Variants in MYO9B observed in about 807,000 individuals in gnomAD.
MYO9B encodes unconventional myosin-IXb.
Under a neutral mutation model 229.5 loss-of-function variants are expected in MYO9B, and 71 were observed. That is an observed-to-expected ratio of 0.31 (90% CI 0.26 to 0.38). The LOEUF is 0.38. Ranked by LOEUF, MYO9B falls within the 10% of genes least tolerant of loss-of-function variation. The pLI is 1.00. For synonymous variants in MYO9B, 1,185 were observed against 1,235.8 expected, an observed-to-expected ratio of 0.96 and a Z score of 0.86; for missense variants, 2,255 against 2,920.5, an observed-to-expected ratio of 0.77 and a Z score of 5.25.
chr19:17,119,442 A>C (rs1208428949), intron 2 of MYO9B, among the ~76,000 whole-genome samples: 1 of 152,160 alleles, frequency 6.6e-6, no homozygotes, highest in Non-Finnish European at 1.5e-5. Flanking sequence ...GCTGAGATGG[A>C]GTCACAGGAC....
rs369051819 is a variant in MYO9B at position 17,207,293 on chromosome 19, G to A, written c.5624+49G>A. Reference sequence around the variant, plus strand: ...GGCATGCTCAGGGCAGCCCCACCCAGGACCCCACGACAGCTCCATCCATCC... The same window carrying A: ...GGCATGCTCAGGGCAGCCCCACCCAAGACCCCACGACAGCTCCATCCATCC... On this transcript the variant is annotated intron_variant, in intron 35 of 39. Transcript: ENST00000682292. The A allele has an allele frequency of 2.6e-6, 4 of 1,568,284 alleles. No individual in the cohort carries two copies. The African/African-American group carries it at 5.4e-5, about 21-fold the overall frequency.
intron 1 of MYO9B, among the ~76,000 whole-genome samples, chr19:17,088,289 C>G (rs189180439): frequency 1.1e-3 from 168 of 152,320 alleles, no homozygotes; most frequent in African/African-American, 4.0e-3. Context: ...TATAAGGACG[C>G]CAGTCTTTGG....
intron 11 of MYO9B, among the ~76,000 whole-genome samples, chr19:17,169,371 C>CAAA (rs58898086): frequency 1.5e-3 from 129 of 88,756 alleles, no homozygotes; most frequent in East Asian, 4.2e-3. Flanking sequence ...GACTCTGTCT[C>CAAA]AAAAAAAAAA....
rs775575604 is a variant in MYO9B, at chr19:17,145,421, CACA to C, written c.874_876del (p.Asn292del). 2.5e-6 allele frequency: 4 copies of C among 1,613,934 alleles called. No homozygotes were observed. The highest frequency in any genetic ancestry group is 3.4e-6 in the Non-Finnish European group (4 of 1,179,864). Reference sequence around the variant, plus strand: ...GGCTTTTGGAAATGCCAAGACAGCCCACAACAACAACTCCAGCCGGTTTGGGAA... The same window carrying C: ...GGCTTTTGGAAATGCCAAGACAGCCCACAACAACTCCAGCCGGTTTGGGAA... On this transcript the variant is annotated inframe_deletion, in exon 3 of 40. Transcript: ENST00000682292.
At chr19:17,202,666 A>T (rs1295664656) in intron 28 of MYO9B, among the ~76,000 whole-genome samples, 176 bp from the exon 29 acceptor site, 1 of 152,148 alleles carries the variant, frequency 6.6e-6, no homozygotes, top group Non-Finnish European at 1.5e-5. Flanking sequence ...CACCCTCCCC[A>T]ACAGAGCCTC....
chr19:17,163,449 C>T (rs1032012283), intron 10 of MYO9B, among the ~76,000 whole-genome samples: 7 of 144,880 alleles, frequency 4.8e-5, no homozygotes, highest in African/African-American at 1.8e-4. Context: ...TAGCTTACTG[C>T]AGCCTCAAAC....
Position 17,210,600 on chromosome 19 carries a change from A to C in MYO9B, c.5797-115A>C, listed in dbSNP as rs1035515036. The C allele has an allele frequency of 4.4e-6, 6 of 1,350,860 alleles. No individual in the cohort carries two copies. In the African/African-American group the frequency reaches 8.9e-5, roughly 20 times the overall value. The allele number at this position is 1,350,860 out of a possible 1,614,324, so 83.7% of individuals were successfully genotyped here. On this transcript the variant is annotated intron_variant, in intron 37 of 39. Transcript: ENST00000682292. ...CCCATGGGATTCCTAGAGAAGTCTC[A>C]CTAAGAGCCCAGCACACTCACATCA...
chr19:17,139,020 T>C (rs981482173), intron 2 of MYO9B, among the ~76,000 whole-genome samples: 5 of 151,960 alleles, frequency 3.3e-5, no homozygotes, highest in African/African-American at 4.8e-5. Flanking sequence ...TATTTGAAAA[T>C]GCAAAAATTA....
intron 2 of MYO9B, among the ~76,000 whole-genome samples, chr19:17,111,962 T>C (rs2057851723): frequency 6.6e-6 from 1 of 152,206 alleles, no homozygotes; most frequent in Admixed American, 6.5e-5. Context: ...GATCAGTGCT[T>C]CCTTCCTTTT....
intron 1 of MYO9B, among the ~76,000 whole-genome samples, chr19:17,097,891 C>G (rs1027857415): frequency 5.9e-5 from 9 of 152,138 alleles, no homozygotes; most frequent in African/African-American, 2.2e-4. Context: ...TCACTCTGCT[C>G]TTGTAGCAAA....
chr19:17,162,076 C>A (rs2072609267), intron 8 of MYO9B, among the ~76,000 whole-genome samples: 2 of 151,734 alleles, frequency 1.3e-5, no homozygotes, highest in Admixed American at 6.6e-5. Flanking sequence ...GAGGTCAAGG[C>A]AGGCAGATCA....
At chr19:17,200,075 G>A (rs559143521) in intron 24 of MYO9B, among the ~76,000 whole-genome samples, 1 of 152,204 alleles carries the variant, frequency 6.6e-6, no homozygotes, top group South Asian at 2.1e-4. Context: ...GTTTTGCCAT[G>A]TTGGCCAGGC....
intron 36 of MYO9B, among the ~76,000 whole-genome samples, 191 bp from the exon 37 acceptor site, chr19:17,210,142 C>A (rs1304851844): frequency 6.6e-6 from 1 of 152,132 alleles, no homozygotes; most frequent in African/African-American, 2.4e-5. Flanking sequence ...CTGGGCCCTA[C>A]CCACGGGGAA....
At chr19:17,076,170 G>A (rs2057481412) in intron 1 of MYO9B, among the ~76,000 whole-genome samples, 1 of 151,822 alleles carries the variant, frequency 6.6e-6, no homozygotes, top group Non-Finnish European at 1.5e-5. Flanking sequence ...TAATTGGGGG[G>A]TCGCAGGAAA....
chr19:17,191,159 C>T lies in MYO9B; in HGVS notation c.2751C>T (p.Ile917=), dbSNP rs75421081. 830 of 1,612,434 alleles carry T rather than the reference C, an allele frequency of 5.1e-4. 2 individuals carry two copies. In the African/African-American group the frequency reaches 8.6e-3, roughly 17 times the overall value. ...ATGCCCAGCCCTGCAGGGAGGTCAT[C>T]TCCACCCTCCTGGAGAAAATGAAGA... ...PKDAQPCREV[I]STLLEKMKID... Residue 917 remains isoleucine (I), a synonymous_variant, in exon 20 of 40, where the codon ATC becomes ATT. Coordinates refer to ENST00000682292, the MANE Select transcript of MYO9B (RefSeq NM_004145.4).
chr19:17,088,698 T>TGA (rs2057607782), intron 1 of MYO9B, among the ~76,000 whole-genome samples: 1 of 151,968 alleles, frequency 6.6e-6, no homozygotes, highest in South Asian at 2.1e-4. Context: ...TGTGTGTGTG[T>TGA]GAGAGAGAGA....
chr19:17,173,313 T>TTTTTTA (rs547342934), intron 13 of MYO9B, among the ~76,000 whole-genome samples: 1 of 125,884 alleles, frequency 7.9e-6, no homozygotes. Context: ...TTTTTTTTTT[T>TTTTTTA]AGAGACAGGG....
At chr19:17,116,954 AG>A (rs2057910337) in intron 2 of MYO9B, among the ~76,000 whole-genome samples, 2 of 152,292 alleles carry the variant, frequency 1.3e-5, no homozygotes, top group Non-Finnish European at 2.9e-5. Flanking sequence ...TTTAGACAAA[AG>A]GGGAAGTTAT....
chr19:17,170,921 G>A (rs955021580), intron 11 of MYO9B, among the ~76,000 whole-genome samples: 56 of 151,594 alleles, frequency 3.7e-4, no homozygotes, highest in Admixed American at 3.4e-3. Flanking sequence ...GGGGAAGCCC[G>A]TGAGGCAAGG....
Sources: gnomAD v4.1 joint callset for allele counts (sites outside exome capture counted in the v4.1 genomes callset) on GRCh38, gnomAD v4.1.1 for gene constraint, MANE v1.5 for transcripts, NCBI Gene and HGNC (gene_info 2026-07-23, HGNC 2026-07-21) for gene names.